Variants in SHTN1 observed in about 807,000 individuals in gnomAD.
SHTN1 encodes the protein shootin 1.
In SHTN1, 42 loss-of-function variants were observed where a neutral mutation model predicts 83.1. The observed-to-expected ratio is 0.51, with a 90% CI of 0.39 to 0.65. SHTN1 has a LOEUF of 0.65. Among genes scored for constraint, SHTN1 ranks in the 30% least tolerant of loss-of-function variants. SHTN1 has a pLI of 0.00. For missense variants in SHTN1, 622 were observed against 737.8 expected, an observed-to-expected ratio of 0.84 and a Z score of 1.82; for synonymous variants, 224 against 247.7, an observed-to-expected ratio of 0.90 and a Z score of 0.90.
chr10:117,045,456 T>A (rs1477847151), intron 2 of SHTN1, among the ~76,000 whole-genome samples: 2 of 152,120 alleles, frequency 1.3e-5, no homozygotes, highest in African/African-American at 2.4e-5. Context: ...CACATCTACA[T>A]TATTCAGGGA....
intron 2 of SHTN1, among the ~76,000 whole-genome samples, chr10:117,028,147 C>A (rs1852357370): frequency 6.6e-6 from 1 of 152,036 alleles, no homozygotes; most frequent in Non-Finnish European, 1.5e-5. Context: ...GTGTCCCCGC[C>A]CTATGGATCT....
Position 116,885,516 on chromosome 10 carries a change from T to C in SHTN1, c.*828A>G, listed in dbSNP as rs1847139950. ...GTGAAGCAAGAAAAATGTGTGCTTG[T>C]CACTTATCTTCACCATACTGTACAT... On this transcript the variant is annotated 3_prime_UTR_variant, in exon 17 of 17. Coordinates refer to ENST00000355371, the MANE Select transcript of SHTN1 (RefSeq NM_001127211.3). 1 of 152,646 alleles carries C rather than the reference T, an allele frequency of 6.6e-6. No individual in the cohort carries two copies. Among genetic ancestry groups the C allele is most frequent in the Non-Finnish European group, 1.5e-5 (1 of 68,046 alleles). 9.5% of individuals were successfully genotyped at this position (152,646 alleles called of 1,614,324 possible). A position where few individuals can be genotyped will look rare whatever the true frequency, so the allele number is the denominator to read the frequency against.
At chr10:117,086,772 A>G (rs911872081) in intron 1 of SHTN1, among the ~76,000 whole-genome samples, 3 of 152,218 alleles carry the variant, frequency 2.0e-5, no homozygotes, top group African/African-American at 7.2e-5. Flanking sequence ...AAAGAATTGA[A>G]AACAGGGACT....
At chr10:116,937,646 T>C (rs995520665) in intron 9 of SHTN1, among the ~76,000 whole-genome samples, 5 of 152,074 alleles carry the variant, frequency 3.3e-5, no homozygotes, top group Admixed American at 6.6e-5. Context: ...TGTCTTGGGG[T>C]TGCTCTTCTC....
intron 9 of SHTN1, 73 bp from the exon 10 acceptor site, chr10:116,930,075 AAAT>A: frequency 9.8e-7 from 1 of 1,022,466 alleles, no homozygotes; most frequent in South Asian, 1.7e-5. Context: ...GAAAGGGAAA[AAAT>A]AAATATTTCC....
At chr10:117,034,601 A>G (rs1852468503) in intron 2 of SHTN1, among the ~76,000 whole-genome samples, 1 of 152,058 alleles carries the variant, frequency 6.6e-6, no homozygotes, top group Non-Finnish European at 1.5e-5. Flanking sequence ...AGATTGTACC[A>G]CTGAACTCTA....
At chr10:116,970,106 A>G (rs1850555413) in intron 2 of SHTN1, among the ~76,000 whole-genome samples, 1 of 152,194 alleles carries the variant, frequency 6.6e-6, no homozygotes, top group Non-Finnish European at 1.5e-5. Context: ...AAAAACAATG[A>G]GATAGTCTCA....
intron 1 of SHTN1, among the ~76,000 whole-genome samples, chr10:117,092,775 G>A (rs1419580429): frequency 4.6e-5 from 7 of 152,128 alleles, no homozygotes; most frequent in African/African-American, 7.2e-5. Flanking sequence ...TTAGAGAACC[G>A]AATTTTAGAA....
At chr10:117,074,561 T>C (rs1371455053) in intron 1 of SHTN1, among the ~76,000 whole-genome samples, 2 of 152,240 alleles carry the variant, frequency 1.3e-5, no homozygotes, top group Admixed American at 6.5e-5. Flanking sequence ...ACTTCAGTGA[T>C]ACCACCAAAA....
chr10:117,068,998 G>A (rs1445008731), intron 1 of SHTN1, among the ~76,000 whole-genome samples: 3 of 152,028 alleles, frequency 2.0e-5, no homozygotes, highest in Non-Finnish European at 4.4e-5. Flanking sequence ...ACAAGAAAAG[G>A]GAAGAAAAAG....
chr10:116,967,618 C>T (rs1850444080), intron 3 of SHTN1, among the ~76,000 whole-genome samples: 1 of 152,118 alleles, frequency 6.6e-6, no homozygotes, highest in Non-Finnish European at 1.5e-5. Context: ...AGTAACATCA[C>T]GTAACGTAAG....
chr10:116,891,334 T>A (rs1359124696), intron 16 of SHTN1, among the ~76,000 whole-genome samples: 2 of 152,234 alleles, frequency 1.3e-5, no homozygotes, highest in Non-Finnish European at 2.9e-5. Context: ...AGCTGGACTA[T>A]TTAACACAAT....
At chr10:117,113,800 C>A (rs1354399107) in intron 1 of SHTN1, among the ~76,000 whole-genome samples, 1 of 152,188 alleles carries the variant, frequency 6.6e-6, no homozygotes, top group African/African-American at 2.4e-5. Context: ...AATCCCAGCA[C>A]TCTGGGAGGC....
chr10:116,910,370 G>T (rs542878872), intron 14 of SHTN1, among the ~76,000 whole-genome samples: 3 of 152,310 alleles, frequency 2.0e-5, no homozygotes, highest in East Asian at 3.9e-4. Context: ...GGGGCAATTT[G>T]CCCTAAAAAA....
intron 2 of SHTN1, among the ~76,000 whole-genome samples, chr10:117,047,227 G>A (rs1017832449): frequency 2.0e-5 from 3 of 152,008 alleles, no homozygotes; most frequent in Admixed American, 1.3e-4. Context: ...ACCATGCCTG[G>A]CTAATTTTTT....
At position 116,921,525 on chromosome 10, in the gene SHTN1, G is replaced by T; in HGVS notation, c.1113-9C>A. ...TCATGGACATGAGGGATCTTTGGGAGAAAGAAAAAGATCAACAGGAGATTA... is the reference window on the plus strand; with the variant it reads ...TCATGGACATGAGGGATCTTTGGGATAAAGAAAAAGATCAACAGGAGATTA... On this transcript the variant is annotated splice_polypyrimidine_tract_variant and intron_variant, in intron 11 of 16. Coordinates refer to ENST00000355371, the MANE Select transcript of SHTN1 (RefSeq NM_001127211.3). 1 of 1,603,530 alleles carries T rather than the reference G, an allele frequency of 6.2e-7. No individual in the cohort carries two copies. Among genetic ancestry groups the T allele is most frequent in the South Asian group, 1.1e-5 (1 of 89,700 alleles).
Position 117,005,064 on chromosome 10 carries a change from C to T in SHTN1, c.16G>A (p.Glu6Lys), listed in dbSNP as rs1303864887. 7 of 1,598,476 alleles carry T rather than the reference C, an allele frequency of 4.4e-6. No individual in the cohort carries two copies. Among genetic ancestry groups the T allele is most frequent in the Non-Finnish European group, 6.0e-6 (7 of 1,172,914 alleles). The change falls in exon 1 of 17, where the codon GAA becomes AAA. Residue 6 changes from glutamate to lysine, a missense_variant. Physicochemically the swap from Glu to Lys is moderately conservative, Grantham distance 56. Coordinates refer to ENST00000355371, the MANE Select transcript of SHTN1 (RefSeq NM_001127211.3). ...GTAATGAGCTGCAGCTGCTTCTCTT[C>T]GTCCGAGCTGTTCATTTTGGCGGGT... MNSSD[E>K]EKQLQLITSL...
chr10:117,125,298 A>G (rs1853986749), intron 1 of SHTN1, among the ~76,000 whole-genome samples: 2 of 152,212 alleles, frequency 1.3e-5, no homozygotes. Flanking sequence ...GCTCAGGGAA[A>G]GAGGATCTTA....
intron 13 of SHTN1, among the ~76,000 whole-genome samples, chr10:116,913,088 T>C (rs1427404439): frequency 3.9e-5 from 6 of 152,142 alleles, no homozygotes; most frequent in Non-Finnish European, 8.8e-5. Flanking sequence ...CACCAAGGAA[T>C]TTTGAAAATA....
Sources: allele counts gnomAD v4.1 joint callset (sites outside exome capture counted in the v4.1 genomes callset), GRCh38; gene constraint gnomAD v4.1.1; transcripts MANE v1.5; gene names NCBI Gene and HGNC (gene_info 2026-07-23, HGNC 2026-07-21).